The following ABCA6 variants were observed in gnomAD, a reference collection of about 807,000 sequenced individuals.
ABCA6 encodes ATP-binding cassette sub-family A member 6.
Under a neutral mutation model 191.2 loss-of-function variants are expected in ABCA6, and 164 were observed. The observed-to-expected ratio is 0.86, with a 90% confidence interval of 0.76 to 0.98. The LOEUF is 0.98. ABCA6 is among the 50% of genes least tolerant of loss of function. The pLI, the probability that ABCA6 is intolerant of heterozygous loss-of-function variation, is 0.00. For missense variants in ABCA6, 1,958 were observed against 1,894.1 expected (o/e 1.03, Z -0.63); for synonymous variants, 636 against 647.7 (o/e 0.98, Z 0.27).
chr17:69,088,860 C>G (rs567295763), intron 27 of ABCA6, among the ~76,000 whole-genome samples: 2 of 152,294 alleles, frequency 1.3e-5, no homozygotes, highest in South Asian at 2.1e-4. Flanking sequence ...ACCACACTGG[C>G]CTGGCTGACC....
rs142707204 is a variant in ABCA6, at chr17:69,081,068, G to A, written c.4694C>T (p.Ala1565Val). ...PLSQTFHKLE[A>V]VKHNFNLEEY... ...TATTTGAATGTGGTCACTCTTACCT[G>A]CTTCTAATTTGTGAAAGGTCTGTGA... Residue 1565 changes from alanine to valine, a missense_variant and splice_region_variant, in exon 37 of 39, where the codon GCA becomes GTA. Physicochemically the swap from Ala to Val is moderately conservative, Grantham distance 64. Transcript: ENST00000284425. 1.1e-5 allele frequency: 18 copies of A among 1,587,352 alleles called. No individual in the cohort carries two copies. The highest frequency in any genetic ancestry group is 1.1e-4 in the African/African-American group (8 of 74,220).
At chr17:69,089,746 T>C (rs962402382) in intron 26 of ABCA6, among the ~76,000 whole-genome samples, 24 of 152,216 alleles carry the variant, frequency 1.6e-4, no homozygotes, top group Non-Finnish European at 3.1e-4. Context: ...AAGTAACCTA[T>C]GTCTGTTCCT....
At chr17:69,130,974 G>A (rs557178258) in intron 6 of ABCA6, among the ~76,000 whole-genome samples, 1 of 152,276 alleles carries the variant, frequency 6.6e-6, no homozygotes, top group South Asian at 2.1e-4. Flanking sequence ...AGGTGCTAGT[G>A]TTGATATTTT....
At chr17:69,117,636 T>C (rs545686868) in intron 11 of ABCA6, among the ~76,000 whole-genome samples, 5 of 152,154 alleles carry the variant, frequency 3.3e-5, no homozygotes, top group Admixed American at 3.3e-4. Flanking sequence ...ATATTGTTCA[T>C]AGCAGATTAA....
rs939513403 is a variant in ABCA6 at position 69,113,630 on chromosome 17, T to C, written c.1890A>G (p.Leu630=). The C allele has an allele frequency of 1.1e-5, 18 of 1,612,910 alleles. No individual in the cohort carries two copies. The African/African-American group carries it at 2.4e-4, about 22-fold the overall frequency. Residue 630 remains leucine (L), a synonymous_variant, in exon 14 of 39, where the codon TTA becomes TTG. Transcript: ENST00000284425. The stretch of plus-strand genomic sequence containing the variant: ...TAATCTCACTTACTTGAGGATCTCC[T>C]AAAATGGTAATCCCAAAAGTCAGCT... ...KRKLTFGITI[L]GDPQILLLDE... is the part of the protein sequence containing the mutation.
chr17:69,092,887 A>G (rs2072957574), intron 25 of ABCA6, among the ~76,000 whole-genome samples: 1 of 152,262 alleles, frequency 6.6e-6, no homozygotes, highest in African/African-American at 2.4e-5. Flanking sequence ...CTCACAACAT[A>G]TATTTTCAAC....
rs1568037967 is a variant in ABCA6 at position 69,136,054 on chromosome 17, T to C, written c.460+38A>G. On this transcript the variant is annotated intron_variant, in intron 4 of 38. Coordinates refer to ENST00000284425, the MANE Select transcript of ABCA6 (RefSeq NM_080284.3). ...TCCTCTGTTCTTTATGTTGAAAACA[T>C]GAAAAATTCCATAATGATATTTGAT... The C allele has an allele frequency of 2.5e-6, 4 of 1,587,302 alleles. 1 individual carries two copies. Among genetic ancestry groups the C allele is most frequent in the Middle Eastern group, 3.3e-4 (2 of 6,014 alleles).
rs941130943 is a variant in ABCA6 at position 69,084,293 on chromosome 17, C to T, written c.4323G>A (p.Thr1441=). The change falls in exon 34 of 39, where the codon ACG becomes ACA. Residue 1441 remains threonine, a synonymous_variant. Transcript: ENST00000284425. ...SPVLLLDEPS[T]GIDPTGQQQM... ...GCTGCTGCCCTGTGGGGTCTATGCCCGTAGATGGTTCATCCAGGAGCAAGA... is the reference window on the plus strand; with the variant it reads ...GCTGCTGCCCTGTGGGGTCTATGCCTGTAGATGGTTCATCCAGGAGCAAGA... 3.7e-6 allele frequency: 6 copies of T among 1,614,098 alleles called. No homozygotes were observed. The highest frequency in any genetic ancestry group is 1.1e-5 in the South Asian group (1 of 91,084).
In ABCA6 at chr17:69,084,176, T is replaced by G. The variant is rs2072710484; in HGVS notation, c.4355+85A>C. The G allele has an allele frequency of 8.7e-6, 11 of 1,269,894 alleles. 1 individual carries two copies. In the Admixed American group the frequency reaches 1.8e-4, roughly 21 times the overall value. The allele number at this position is 1,269,894 out of a possible 1,614,324, so 78.7% of individuals were successfully genotyped here. A position where few individuals can be genotyped will look rare whatever the true frequency, so the allele number is the denominator to read the frequency against. Reference sequence around the variant, plus strand: ...CCACTGAATCAGGAACTAGTGGGTTTGAGGGCTGATTTTCCAAGACCAGTT... The same window carrying G: ...CCACTGAATCAGGAACTAGTGGGTTGGAGGGCTGATTTTCCAAGACCAGTT... On this transcript the variant is annotated intron_variant, in intron 34 of 38. Transcript: ENST00000284425.
At position 69,123,361 on chromosome 17, in the gene ABCA6, T is replaced by C. The variant is rs1383850984; in HGVS notation, c.1314A>G (p.Ser438=). The C allele has an allele frequency of 4.5e-6, 7 of 1,552,184 alleles. No homozygotes were observed. The highest frequency in any genetic ancestry group is 2.7e-5 in the African/African-American group (2 of 73,538). Reference sequence around the variant, plus strand: ...TAGTCCTTTGGTGTTGGAAACAAGATGATGAATTCAAGAAAAATAAAGGAG... The same window carrying C: ...TAGTCCTTTGGTGTTGGAAACAAGACGATGAATTCAAGAAAAATAAAGGAG... ...HYSPLFFLNS[S]SCFQHQRTNA... is the part of the protein sequence containing the mutation. Residue 438 remains serine, a synonymous_variant, in exon 10 of 39, where the codon TCA becomes TCG. Transcript: ENST00000284425.
At position 69,089,345 on chromosome 17, in the gene ABCA6, G is replaced by C. The variant is rs1426913326; in HGVS notation, c.3606+120C>G. The C allele has an allele frequency of 4.6e-6, 4 of 870,152 alleles. No homozygotes were observed. The Admixed American group carries it at 9.4e-5, about 20-fold the overall frequency. The allele number at this position is 870,152 out of a possible 1,614,324, so 53.9% of individuals were successfully genotyped here. On this transcript the variant is annotated intron_variant, in intron 27 of 38. Transcript: ENST00000284425. ...TTTAGAAACATGTCTGAAGGTAAGT[G>C]CTTTATCTAAGATCATATAAAAACA...
intron 8 of ABCA6, among the ~76,000 whole-genome samples, 195 bp downstream of exon 8, chr17:69,128,424 A>T (rs560415019): frequency 6.6e-6 from 1 of 152,016 alleles, no homozygotes. Context: ...GTAAAATCTG[A>T]AGGATTTTTT....
intron 24 of ABCA6, 103 bp downstream of exon 24, chr17:69,096,525 A>C: frequency 9.8e-7 from 1 of 1,017,206 alleles, no homozygotes; most frequent in African/African-American, 1.7e-5. Flanking sequence ...GTTTTGGTTT[A>C]TTACAAAATA....
In ABCA6 at chr17:69,137,520, A is replaced by G. The variant is rs779860115; in HGVS notation, c.97-20T>C. On this transcript the variant is annotated intron_variant, in intron 2 of 38. Coordinates refer to ENST00000284425, the MANE Select transcript of ABCA6 (RefSeq NM_080284.3). ...CCATTCCTGTAATGCATATAAAAAG[A>G]AAAATAATGAATTAAGGTTGCATTC... 6.3e-7 allele frequency: 1 copy of G among 1,593,486 alleles called. No individual in the cohort carries two copies. The highest frequency in any genetic ancestry group is 2.2e-5 in the East Asian group (1 of 44,594).
chr17:69,131,172 G>C (rs1598059543), intron 6 of ABCA6, among the ~76,000 whole-genome samples: 1 of 152,228 alleles, frequency 6.6e-6, no homozygotes, highest in East Asian at 1.9e-4. Flanking sequence ...TCTCTGTCCA[G>C]AGATAAGTTC....
chr17:69,113,232 G>A lies in ABCA6; in HGVS notation c.2031C>T (p.Asp677=). 2.5e-6 allele frequency: 4 copies of A among 1,603,162 alleles called. No homozygotes were observed. The highest frequency in any genetic ancestry group is 3.4e-6 in the Non-Finnish European group (4 of 1,176,556). ...LFSTQSMDEA[D]ILADRKVIMS... is the part of the protein sequence containing the mutation. ...AAAACCAACAATTACCAGCCAGGAT[G>A]TCAGCCTCATCCATGGACTGGGTAC... The change falls in exon 15 of 39, where the codon GAC becomes GAT. Residue 677 remains aspartate, a synonymous_variant. Transcript: ENST00000284425.
intron 37 of ABCA6, among the ~76,000 whole-genome samples, chr17:69,080,791 C>T (rs2144601247): frequency 6.6e-6 from 1 of 152,192 alleles, no homozygotes; most frequent in Admixed American, 6.5e-5. Flanking sequence ...CACAGAGGGG[C>T]TTTTAGAGGG....
intron 22 of ABCA6, chr17:69,099,586 G>T (rs561046090): frequency 1.9e-5 from 3 of 154,436 alleles, no homozygotes; most frequent in Middle Eastern, 5.2e-4. Context: ...GCATAAGCCT[G>T]TCTCAAAATA....
intron 6 of ABCA6, among the ~76,000 whole-genome samples, chr17:69,130,934 C>T (rs1018420691): frequency 6.6e-6 from 1 of 152,118 alleles, no homozygotes; most frequent in African/African-American, 2.4e-5. Context: ...GTATGCTGCA[C>T]CCTTAAATAT....
Sources: gnomAD v4.1 joint callset for allele counts (sites outside exome capture counted in the v4.1 genomes callset) on GRCh38, gnomAD v4.1.1 for gene constraint, MANE v1.5 for transcripts, NCBI Gene and HGNC (gene_info 2026-07-23, HGNC 2026-07-21) for gene names.